The following MAGI2 variants were observed in gnomAD, a reference collection of about 807,000 sequenced individuals.
MAGI2 encodes membrane associated guanylate kinase, WW and PDZ domain containing 2, also known as membrane-associated guanylate kinase, WW and PDZ domain-containing protein 2.
Under a neutral mutation model 133.3 loss-of-function variants are expected in MAGI2, and 35 were observed. The ratio of observed to expected loss-of-function variants is 0.26; its 90% CI spans 0.20 to 0.35. The LOEUF (loss-of-function observed/expected upper bound fraction) is 0.35. MAGI2 is among the 10% of genes least tolerant of loss of function. The pLI, the probability that MAGI2 is intolerant of heterozygous loss-of-function variation, is 1.00. For missense variants in MAGI2, 1,636 were observed against 1,863.4 expected, an observed-to-expected ratio of 0.88 and a Z score of 2.25; for synonymous variants, 729 against 710.6, an observed-to-expected ratio of 1.03 and a Z score of -0.41.
chr7:79,260,791 T>C (rs1392548935), intron 1 of MAGI2, among the ~76,000 whole-genome samples: 2 of 152,158 alleles, frequency 1.3e-5, no homozygotes, highest in African/African-American at 4.8e-5. Context: ...TAGACTTGGG[T>C]CTCATCCCCA....
At chr7:78,572,469 A>C (rs1302071908) in intron 3 of MAGI2, among the ~76,000 whole-genome samples, 1 of 152,104 alleles carries the variant, frequency 6.6e-6, no homozygotes, top group East Asian at 1.9e-4. Context: ...CATGCCTCCC[A>C]GTATTCATAT....
At chr7:78,951,727 A>G (rs957901573) in intron 2 of MAGI2, among the ~76,000 whole-genome samples, 1 of 152,042 alleles carries the variant, frequency 6.6e-6, no homozygotes, top group Non-Finnish European at 1.5e-5. Context: ...TCCAACCAAA[A>G]ATTTTCTTTT....
chr7:78,603,882 T>C (rs772134037), intron 3 of MAGI2, among the ~76,000 whole-genome samples: 8 of 152,314 alleles, frequency 5.3e-5, no homozygotes, highest in Non-Finnish European at 1.2e-4. Context: ...TTTGTTCAAA[T>C]GGCTAACATT....
At chr7:78,129,894 C>T (rs920268489) in intron 18 of MAGI2, among the ~76,000 whole-genome samples, 5 of 136,710 alleles carry the variant, frequency 3.7e-5, no homozygotes, top group African/African-American at 1.4e-4. Context: ...GAGATTGCAC[C>T]GTTGCACTCC....
chr7:78,534,267 A>T (rs1321519523), intron 3 of MAGI2, among the ~76,000 whole-genome samples: 2 of 152,234 alleles, frequency 1.3e-5, no homozygotes, highest in Non-Finnish European at 2.9e-5. Flanking sequence ...AAGAAAAAAA[A>T]TTGGAATTAT....
chr7:79,122,309 G>A (rs1369696715), intron 1 of MAGI2, among the ~76,000 whole-genome samples: 2 of 152,132 alleles, frequency 1.3e-5, no homozygotes, highest in Non-Finnish European at 2.9e-5. Context: ...CCAACTATCA[G>A]TCATTCATTA....
At chr7:78,872,631 T>G (rs1261784829) in intron 2 of MAGI2, among the ~76,000 whole-genome samples, 1 of 152,066 alleles carries the variant, frequency 6.6e-6, no homozygotes, top group Non-Finnish European at 1.5e-5. Context: ...TTTTTTTTTT[T>G]TAGATTCACT....
intron 1 of MAGI2, among the ~76,000 whole-genome samples, chr7:79,008,337 C>A (rs936053348): frequency 2.0e-5 from 3 of 152,128 alleles, no homozygotes; most frequent in African/African-American, 7.2e-5. Flanking sequence ...AGGTGCAAAA[C>A]AAACAGCTTT....
chr7:79,012,254 C>G (rs1054252871), intron 1 of MAGI2: 1 of 152,088 alleles, frequency 6.6e-6, no homozygotes, highest in South Asian at 2.1e-4. Flanking sequence ...TTGTTTGCAA[C>G]TAATTAAACT....
intron 2 of MAGI2, among the ~76,000 whole-genome samples, chr7:78,870,931 G>A (rs1385204185): frequency 1.3e-5 from 2 of 152,120 alleles, no homozygotes; most frequent in Non-Finnish European, 2.9e-5. Flanking sequence ...ATTACTCTAA[G>A]TGGAGTAACT....
At chr7:78,928,061 C>G (rs1031749179) in intron 2 of MAGI2, among the ~76,000 whole-genome samples, 1 of 151,812 alleles carries the variant, frequency 6.6e-6, no homozygotes, top group African/African-American at 2.4e-5. Context: ...ATTATGCTTC[C>G]CCTTTTCCTT....
At chr7:78,789,042 A>T (rs1827062676) in intron 2 of MAGI2, among the ~76,000 whole-genome samples, 1 of 152,086 alleles carries the variant, frequency 6.6e-6, no homozygotes, top group African/African-American at 2.4e-5. Context: ...TCTTCTTCTC[A>T]ACCCTTTGTG....
At chr7:78,078,839 T>C in intron 21 of MAGI2, 108 bp downstream of exon 21, 2 of 1,235,924 alleles carry the variant, frequency 1.6e-6, no homozygotes, top group Non-Finnish European at 2.4e-6. Context: ...GATAGCTAAA[T>C]ATATATTTAG....
chr7:78,543,333 G>T (rs1798563273), intron 3 of MAGI2, among the ~76,000 whole-genome samples: 1 of 152,154 alleles, frequency 6.6e-6, no homozygotes, highest in South Asian at 2.1e-4. Flanking sequence ...CATTACTAGA[G>T]ACATCTATCT....
At chr7:79,326,442 T>C (rs925456382) in intron 1 of MAGI2, among the ~76,000 whole-genome samples, 1 of 152,146 alleles carries the variant, frequency 6.6e-6, no homozygotes, top group African/African-American at 2.4e-5. Flanking sequence ...GTTGAAACTG[T>C]GTAAGAAAAA....
chr7:79,125,060 G>C (rs1355632912), intron 1 of MAGI2: 1 of 219,654 alleles, frequency 4.6e-6, no homozygotes, highest in African/African-American at 2.3e-5. Flanking sequence ...ATATTTGTAG[G>C]CGCCATTAAA....
chr7:79,206,959 A>T lies in MAGI2; in HGVS notation c.302-199753T>A, dbSNP rs79002126. Among the ~76,000 whole-genome samples, 82 of 152,096 alleles carry T rather than the reference A, an allele frequency of 5.4e-4. 2 individuals are homozygous for T. The East Asian group carries it at 0.016, about 29-fold the overall frequency. Reference sequence around the variant, plus strand: ...ACAACACATAAACAGAATGAAAGACAAAAGTGATATAATTATTTAAATAGA... The same window carrying T: ...ACAACACATAAACAGAATGAAAGACTAAAGTGATATAATTATTTAAATAGA... On this transcript the variant is annotated intron_variant, in intron 1 of 21. Transcript: ENST00000354212.
At chr7:78,874,381 G>A (rs557729607) in intron 2 of MAGI2, among the ~76,000 whole-genome samples, 2 of 152,146 alleles carry the variant, frequency 1.3e-5, no homozygotes, top group South Asian at 2.1e-4. Context: ...CATCTGATAA[G>A]ATATCATTTC....
intron 1 of MAGI2, among the ~76,000 whole-genome samples, chr7:79,074,430 T>A (rs993788887): frequency 2.6e-5 from 4 of 152,244 alleles, no homozygotes; most frequent in African/African-American, 7.2e-5. Context: ...TTCATTTTTA[T>A]CTCAATTATG....
Sources: gnomAD v4.1 joint callset for allele counts (sites outside exome capture counted in the v4.1 genomes callset) on GRCh38, gnomAD v4.1.1 for gene constraint, MANE v1.5 for transcripts, NCBI Gene and HGNC (gene_info 2026-07-23, HGNC 2026-07-21) for gene names.